ADARB2: variants seen among roughly 807,000 people sequenced by gnomAD.
ADARB2 encodes adenosine deaminase RNA specific B2 (inactive), also known as inactive double-stranded RNA-specific editase B2.
A neutral mutation model predicts 62.2 loss-of-function variants in ADARB2; 25 were observed. The ratio of observed to expected loss-of-function variants is 0.40; its 90% confidence interval spans 0.29 to 0.56. ADARB2 has a LOEUF of 0.56. Among genes scored for constraint, ADARB2 ranks in the 20% least tolerant of loss-of-function variants. The pLI is 0.43. For missense variants in ADARB2, 1,071 were observed against 1,077.4 expected (o/e 0.99, Z 0.08); for synonymous variants, 572 against 500.8 (o/e 1.14, Z -1.90).
At chr10:1,526,664 G>A (rs1789103507) in intron 1 of ADARB2, 2 of 232,562 alleles carry the variant, frequency 8.6e-6, no homozygotes, top group Admixed American at 5.2e-5. Context: ...CTGGTGCCAC[G>A]CTTCCTGTAC....
rs542341947 is a variant in ADARB2, at chr10:1,720,588, C to G, written c.100+16463G>C. Among the ~76,000 whole-genome samples, 5 of 152,190 alleles carry G rather than the reference C, an allele frequency of 3.3e-5. No homozygotes were observed. In the South Asian group the frequency reaches 1.0e-3, roughly 32 times the overall value. On this transcript the variant is annotated intron_variant, in intron 1 of 9. Coordinates refer to ENST00000381312, the MANE Select transcript of ADARB2 (RefSeq NM_018702.4). Reference sequence around the variant, plus strand: ...AACTTGTAGATGGCAAAAAAAATTGCCAAAAGAGAAATCTAGGGGCAGTCT... The same window carrying G: ...AACTTGTAGATGGCAAAAAAAATTGGCAAAAGAGAAATCTAGGGGCAGTCT...
intron 8 of ADARB2, among the ~76,000 whole-genome samples, chr10:1,197,537 G>GC (rs1243012946): frequency 6.6e-6 from 1 of 152,248 alleles, no homozygotes; most frequent in East Asian, 1.9e-4. Context: ...GAGGAAGACA[G>GC]CCCGTGCTCT....
At position 1,647,659 on chromosome 10, in the gene ADARB2, T is replaced by C. The variant is rs563614559; in HGVS notation, c.100+89392A>G. Among the ~76,000 whole-genome samples, 3 of 152,174 alleles carry C rather than the reference T, an allele frequency of 2.0e-5. No individual in the cohort carries two copies. The South Asian group carries it at 6.2e-4, about 32-fold the overall frequency. ...ATATATATGTGTGGGGGTATATGAG[T>C]ATATATGTGTATGTGTGTATACATG... On this transcript the variant is annotated intron_variant, in intron 1 of 9. Coordinates refer to ENST00000381312, the MANE Select transcript of ADARB2 (RefSeq NM_018702.4).
intron 1 of ADARB2, chr10:1,675,053 G>T (rs199729792): frequency 1.7e-6 from 1 of 576,642 alleles, no homozygotes; most frequent in Non-Finnish European, 1.9e-6. Context: ...GGGTTTGGGG[G>T]TACATGGATG....
At chr10:1,452,815 G>A (rs1419475064) in intron 1 of ADARB2, among the ~76,000 whole-genome samples, 1 of 151,694 alleles carries the variant, frequency 6.6e-6, no homozygotes. Context: ...AAGAAGACAT[G>A]AAAAAAAACC....
chr10:1,586,820 G>C (rs1167637371), intron 1 of ADARB2, among the ~76,000 whole-genome samples: 1 of 152,192 alleles, frequency 6.6e-6, no homozygotes, highest in African/African-American at 2.4e-5. Flanking sequence ...GTGTGGGTTT[G>C]TGAGTAGCAT....
intron 1 of ADARB2, among the ~76,000 whole-genome samples, chr10:1,713,021 T>C (rs1359081376): frequency 6.6e-6 from 1 of 152,150 alleles, no homozygotes; most frequent in African/African-American, 2.4e-5. Context: ...TGTGAAATAG[T>C]CTATCAAATC....
chr10:1,340,987 C>G (rs1832020332), intron 3 of ADARB2, among the ~76,000 whole-genome samples: 1 of 150,592 alleles, frequency 6.6e-6, no homozygotes, highest in Non-Finnish European at 1.5e-5. Context: ...GCAGTGATAA[C>G]CAGCATCCAC....
At chr10:1,566,128 A>AGT (rs1198504123) in intron 1 of ADARB2, among the ~76,000 whole-genome samples, 7 of 146,754 alleles carry the variant, frequency 4.8e-5, no homozygotes, top group Admixed American at 1.4e-4. Flanking sequence ...GTGTACAGTG[A>AGT]GTGTGTGTGT....
chr10:1,662,819 C>T (rs1467319627), intron 1 of ADARB2, among the ~76,000 whole-genome samples: 2 of 152,192 alleles, frequency 1.3e-5, no homozygotes, highest in Non-Finnish European at 2.9e-5. Context: ...GGCGACGTCT[C>T]CCAGCAGTGC....
chr10:1,459,370 T>C (rs1275107033), intron 1 of ADARB2, among the ~76,000 whole-genome samples: 1 of 152,226 alleles, frequency 6.6e-6, no homozygotes, highest in Non-Finnish European at 1.5e-5. Context: ...TCATGTCCTT[T>C]GCTGGGACAT....
At chr10:1,486,210 CTGTGTGTGTGTGTGTG>C (rs61283089) in intron 1 of ADARB2, among the ~76,000 whole-genome samples, 3 of 142,856 alleles carry the variant, frequency 2.1e-5, no homozygotes, top group Non-Finnish European at 3.1e-5. Context: ...GTGTGGACGC[CTGTGTGTGTGTGTGTG>C]TGTGTGTGTG....
intron 1 of ADARB2, among the ~76,000 whole-genome samples, chr10:1,576,105 GCTCAGA>G (rs1833014272): frequency 2.3e-5 from 1 of 44,192 alleles, no homozygotes; most frequent in Non-Finnish European, 4.5e-5. Flanking sequence ...ACGGGAGGGG[GCTCAGA>G]GTCACAGGAG....
At chr10:1,381,823 G>A (rs1243514786) in intron 1 of ADARB2, among the ~76,000 whole-genome samples, 2 of 152,212 alleles carry the variant, frequency 1.3e-5, no homozygotes, top group Non-Finnish European at 2.9e-5. Flanking sequence ...GCATGGTGCT[G>A]CCAGGGTCCA....
At position 1,678,273 on chromosome 10, in the gene ADARB2, C is replaced by T. The variant is rs1164855000; in HGVS notation, c.100+58778G>A. Reference sequence around the variant, plus strand: ...GGTGAGCATCCTCAGGGTGAGGGACCTCGGGGTGAGCGTCCTCGGGGTGAG... The same window carrying T: ...GGTGAGCATCCTCAGGGTGAGGGACTTCGGGGTGAGCGTCCTCGGGGTGAG... On this transcript the variant is annotated intron_variant, in intron 1 of 9. Coordinates refer to ENST00000381312, the MANE Select transcript of ADARB2 (RefSeq NM_018702.4). The T allele has an allele frequency of 4.1e-6, 4 of 984,874 alleles. No individual in the cohort carries two copies. In the African/African-American group the frequency reaches 7.0e-5, roughly 17 times the overall value. 61.0% of individuals were successfully genotyped at this position (984,874 alleles called of 1,614,324 possible).
At chr10:1,656,777 T>C (rs1331632748) in intron 1 of ADARB2, among the ~76,000 whole-genome samples, 1 of 152,214 alleles carries the variant, frequency 6.6e-6, no homozygotes, top group Non-Finnish European at 1.5e-5. Flanking sequence ...CTTTTTTTAA[T>C]GTGCCTATTA....
chr10:1,281,558 T>C (rs1831371339), intron 3 of ADARB2, among the ~76,000 whole-genome samples: 1 of 152,236 alleles, frequency 6.6e-6, no homozygotes, highest in Non-Finnish European at 1.5e-5. Flanking sequence ...AGTCCAGCCT[T>C]GGTGAAAGAC....
intron 1 of ADARB2, among the ~76,000 whole-genome samples, chr10:1,476,714 G>A (rs979209966): frequency 2.0e-5 from 3 of 152,150 alleles, no homozygotes; most frequent in African/African-American, 2.4e-5. Context: ...TGATTTGCAC[G>A]GTGGATTTGC....
rs1241188738 is a variant in ADARB2 at position 1,220,018 on chromosome 10, GTGA to G, written c.1514-2902_1514-2900del. 5.6e-5 allele frequency among the ~76,000 whole-genome samples: 8 copies of G among 143,890 alleles called. No individual in the cohort carries two copies. The East Asian group carries it at 1.5e-3, about 27-fold the overall frequency. The allele number at this position is 143,890 out of a possible 152,430, so 94.4% of individuals were successfully genotyped here. ...GGTGATGATGATGGTAATGGTGATGGTGATGATGGTGGTGATGATGGTAATGGT... is the reference window on the plus strand; with the variant it reads ...GGTGATGATGATGGTAATGGTGATGGTGATGGTGGTGATGATGGTAATGGT... On this transcript the variant is annotated intron_variant, in intron 6 of 9. Coordinates refer to ENST00000381312, the MANE Select transcript of ADARB2 (RefSeq NM_018702.4).
Sources: allele counts gnomAD v4.1 joint callset (sites outside exome capture counted in the v4.1 genomes callset), GRCh38; gene constraint gnomAD v4.1.1; transcripts MANE v1.5; gene names NCBI Gene and HGNC (gene_info 2026-07-23, HGNC 2026-07-21).